PCDHGA1: variants seen among roughly 807,000 people sequenced by gnomAD.
The protein encoded by PCDHGA1 is protocadherin gamma-A1.
Under a neutral mutation model 58.0 loss-of-function variants are expected in PCDHGA1, and 32 were observed. That is an observed-to-expected ratio of 0.55 (90% CI 0.42 to 0.74). The LOEUF (loss-of-function observed/expected upper bound fraction) is 0.74, where lower values mean the gene tolerates loss of function less well. Ranked by LOEUF, PCDHGA1 falls within the 30% of genes least tolerant of loss-of-function variation. The probability of loss-of-function intolerance (pLI) is 0.00; values close to 1 mark genes in which losing one functional copy is unlikely to be tolerated. For missense variants in PCDHGA1, 1,205 were observed against 1,182.3 expected, an observed-to-expected ratio of 1.02 and a Z score of -0.28; for synonymous variants, 498 against 501.1, an observed-to-expected ratio of 0.99 and a Z score of 0.08.
chr5:141,350,699 G>A (rs1758541780), intron 1 of PCDHGA1: 1 of 1,613,844 alleles, frequency 6.2e-7, no homozygotes, highest in East Asian at 2.2e-5. Context: ...CTTACCCGGG[G>A]TAAAATTCTC....
At chr5:141,352,413 A>T in intron 1 of PCDHGA1, 1 of 1,613,962 alleles carries the variant, frequency 6.2e-7, no homozygotes, top group Non-Finnish European at 8.5e-7. Context: ...TCCAGCCTCG[A>T]CACTGAGGGC....
chr5:141,389,456 C>T, intron 1 of PCDHGA1: 1 of 1,613,332 alleles, frequency 6.2e-7, no homozygotes, highest in South Asian at 1.1e-5. Context: ...AGCAGCTGCG[C>T]GCCTTCGAAC....
intron 1 of PCDHGA1, among the ~76,000 whole-genome samples, chr5:141,429,712 C>T (rs998121271): frequency 1.3e-5 from 2 of 151,994 alleles, no homozygotes; most frequent in African/African-American, 2.4e-5. Flanking sequence ...TAAATATTTA[C>T]GCTCATGAAA....
intron 1 of PCDHGA1, chr5:141,350,353 C>T (rs879584256): frequency 2.9e-5 from 45 of 1,563,312 alleles, no homozygotes; most frequent in Non-Finnish European, 3.8e-5. Context: ...CCCAGCAGAT[C>T]CGATACACGA....
chr5:141,399,697 T>C, intron 1 of PCDHGA1: 1 of 1,613,436 alleles, frequency 6.2e-7, no homozygotes. Context: ...GCTGCGCACC[T>C]TCGAACTCAC....
chr5:141,421,515 CTG>C, intron 1 of PCDHGA1: 1 of 1,614,080 alleles, frequency 6.2e-7, no homozygotes, highest in Non-Finnish European at 8.5e-7. Context: ...GGGAGGAGCT[CTG>C]TGAGACGGTG....
rs1339132086 is a variant in PCDHGA1 at position 141,350,396 on chromosome 5, G to A, written c.2421+17291G>A. 6 of 1,599,342 alleles carry A rather than the reference G, an allele frequency of 3.8e-6. No individual in the cohort carries two copies. The highest frequency in any genetic ancestry group is 5.1e-6 in the Non-Finnish European group (6 of 1,170,144). ...GGAGCTAGCCAACGGCTCACGGGTGGGGAAACTTGCCAAGGATCTGGGGCT... is the reference window on the plus strand; with the variant it reads ...GGAGCTAGCCAACGGCTCACGGGTGAGGAAACTTGCCAAGGATCTGGGGCT... On this transcript the variant is annotated intron_variant, in intron 1 of 3. Transcript: ENST00000517417.
At position 141,346,242 on chromosome 5, in the gene PCDHGA1, G is replaced by A. The variant is rs774242856; in HGVS notation, c.2421+13137G>A. On this transcript the variant is annotated intron_variant, in intron 1 of 3. Transcript: ENST00000517417. ...GGGAGGCGGCTTGGCGAGTACGCCC[G>A]GCTCGCACTTTGTGGGCGCGGACGG... The A allele has an allele frequency of 2.2e-5, 35 of 1,614,062 alleles. No individual in the cohort carries two copies. Among genetic ancestry groups the A allele is most frequent in the African/African-American group, 2.7e-5 (2 of 74,926 alleles).
At chr5:141,345,734 C>T (rs892194707) in intron 1 of PCDHGA1, 6 of 1,614,206 alleles carry the variant, frequency 3.7e-6, no homozygotes, top group Non-Finnish European at 8.5e-7. Context: ...ACCCCGCCCT[C>T]CCCACAGACG....
intron 2 of PCDHGA1, among the ~76,000 whole-genome samples, chr5:141,501,290 TACACAC>T (rs55762287): frequency 0.081 from 10,957 of 136,038 alleles, 480 homozygotes; most frequent in African/African-American, 0.13. Context: ...TATTCCCTTA[TACACAC>T]ACACACACAC....
chr5:141,342,703 G>A (rs1173725593), intron 1 of PCDHGA1: 2 of 152,184 alleles, frequency 1.3e-5, no homozygotes, highest in African/African-American at 2.4e-5. Context: ...TTTTTAGTGT[G>A]TGTAGTAACT....
chr5:141,376,208 A>G, intron 1 of PCDHGA1: 1 of 1,614,128 alleles, frequency 6.2e-7, no homozygotes, highest in Non-Finnish European at 8.5e-7. Context: ...GGCCTTCGTC[A>G]TCGTGCTGCT....
At chr5:141,336,691 A>C (rs1255070104) in intron 1 of PCDHGA1, among the ~76,000 whole-genome samples, 2 of 152,224 alleles carry the variant, frequency 1.3e-5, no homozygotes, top group Non-Finnish European at 2.9e-5. Flanking sequence ...AACTCTTAGA[A>C]GAAAACAGGA....
At chr5:141,393,405 C>G (rs777100284) in intron 1 of PCDHGA1, 1 of 1,613,914 alleles carries the variant, frequency 6.2e-7, no homozygotes, top group Admixed American at 1.7e-5. Flanking sequence ...GGTGCTGGAG[C>G]GCGCCCTGGA....
In PCDHGA1 at chr5:141,490,889, T is replaced by G. The variant is rs568838001; in HGVS notation, c.2422-3918T>G. The G allele has an allele frequency of 6.2e-7, 1 of 1,613,406 alleles. No homozygotes were observed. Among genetic ancestry groups the G allele is most frequent in the Non-Finnish European group, 8.5e-7 (1 of 1,179,428 alleles). ...CCCCCATTGCATGCCAACACATCTCTGCATGTGTTTGTCCTAGACGAGAAT... is the reference window on the plus strand; with the variant it reads ...CCCCCATTGCATGCCAACACATCTCGGCATGTGTTTGTCCTAGACGAGAAT... On this transcript the variant is annotated intron_variant, in intron 1 of 3. Coordinates refer to ENST00000517417, the MANE Select transcript of PCDHGA1 (RefSeq NM_018912.3). This position sits in a 1 kb window ranked among gnomAD's most constrained non-coding sequence, Gnocchi z 5.4.
At chr5:141,437,035 C>T (rs991186972) in intron 1 of PCDHGA1, among the ~76,000 whole-genome samples, 1 of 152,120 alleles carries the variant, frequency 6.6e-6, no homozygotes, top group Non-Finnish European at 1.5e-5. Context: ...AATGGATCAC[C>T]GAAACCAGAA....
intron 1 of PCDHGA1, chr5:141,419,715 T>C: frequency 6.2e-7 from 1 of 1,613,288 alleles, no homozygotes. Flanking sequence ...CTCTTCAGCC[T>C]GGGGCTGCGA....
At position 141,345,710 on chromosome 5, in the gene PCDHGA1, G is replaced by C. The variant is rs373967163; in HGVS notation, c.2421+12605G>C. On this transcript the variant is annotated intron_variant, in intron 1 of 3. Coordinates refer to ENST00000517417, the MANE Select transcript of PCDHGA1 (RefSeq NM_018912.3). ...TCGTGCTGGACCAGAACGACAACGCGCCCGAGATCCTGTACCCCGCCCTCC... is the reference window on the plus strand; with the variant it reads ...TCGTGCTGGACCAGAACGACAACGCCCCCGAGATCCTGTACCCCGCCCTCC... 3.1e-6 allele frequency: 5 copies of C among 1,614,076 alleles called. No individual in the cohort carries two copies. In the South Asian group the frequency reaches 3.3e-5, roughly 11 times the overall value.
intron 1 of PCDHGA1, chr5:141,428,289 G>A: frequency 1.4e-6 from 1 of 728,400 alleles, no homozygotes; most frequent in Non-Finnish European, 2.4e-6. Context: ...CCCAAGCAAA[G>A]CTGCAGATTT....
Sources: gnomAD v4.1 joint callset for allele counts (sites outside exome capture counted in the v4.1 genomes callset) on GRCh38, gnomAD v4.1.1 for gene constraint, Gnocchi (gnomAD v3.1) non-coding constraint, MANE v1.5 for transcripts, NCBI Gene and HGNC (gene_info 2026-07-23, HGNC 2026-07-21) for gene names.